The following GLIS3 variants were observed in gnomAD, a reference collection of about 807,000 sequenced individuals.
GLIS3 encodes the protein GLIS family zinc finger 3, also known as zinc finger protein GLIS3.
A neutral mutation model predicts 78.6 loss-of-function variants in GLIS3; 53 were observed. The observed-to-expected ratio is 0.67, with a 90% CI of 0.54 to 0.85. The LOEUF is 0.85. Among genes scored for constraint, GLIS3 ranks in the 40% least tolerant of loss-of-function variants. GLIS3 has a pLI of 0.00. For missense variants in GLIS3, 1,703 were observed against 1,231.1 expected, an observed-to-expected ratio of 1.38 and a Z score of -5.74; for synonymous variants, 684 against 509.9, an observed-to-expected ratio of 1.34 and a Z score of -4.60.
intron 2 of GLIS3, among the ~76,000 whole-genome samples, chr9:4,133,301 C>G (rs1833112363): frequency 6.6e-6 from 1 of 152,214 alleles, no homozygotes; most frequent in African/African-American, 2.4e-5. Flanking sequence ...GCCATCTACA[C>G]TCAAATGTAA....
intron 4 of GLIS3, among the ~76,000 whole-genome samples, chr9:4,087,923 C>T (rs894016528): frequency 6.6e-6 from 1 of 152,132 alleles, no homozygotes; most frequent in African/African-American, 2.4e-5. Context: ...TTGTCCATCT[C>T]GCATTATGGT....
intron 4 of GLIS3, among the ~76,000 whole-genome samples, chr9:3,964,198 C>A (rs1817763476): frequency 6.6e-6 from 1 of 152,148 alleles, no homozygotes; most frequent in African/African-American, 2.4e-5. Flanking sequence ...ATCATAAATG[C>A]TATGTATCTC....
intron 4 of GLIS3, among the ~76,000 whole-genome samples, chr9:4,017,936 CT>C (rs1822573267): frequency 1.3e-5 from 2 of 152,142 alleles, no homozygotes; most frequent in South Asian, 4.1e-4. Flanking sequence ...AAACTAATGT[CT>C]TTTTAATATG....
At chr9:4,430,017 C>T in the GLIS3 span, among the ~76,000 whole-genome samples, 2 of 145,762 alleles carry the variant, frequency 1.4e-5, no homozygotes, top group Non-Finnish European at 3.0e-5. Context: ...CGAAATCTGT[C>T]CTCTTTCTAT....
At chr9:4,141,307 G>C (rs535651829) in intron 2 of GLIS3, among the ~76,000 whole-genome samples, 3 of 152,146 alleles carry the variant, frequency 2.0e-5, no homozygotes, top group African/African-American at 7.2e-5. Context: ...GGAAGGCAGT[G>C]GGGGTAAAAG....
At chr9:4,314,234 G>C (rs1005732148) in intron 2 of GLIS3, among the ~76,000 whole-genome samples, 3 of 152,202 alleles carry the variant, frequency 2.0e-5, no homozygotes, top group Non-Finnish European at 2.9e-5. Context: ...ACTCAAATGT[G>C]AGCTGGTGTT....
intron 4 of GLIS3, among the ~76,000 whole-genome samples, chr9:4,115,890 G>A (rs1012613524): frequency 3.9e-5 from 6 of 152,140 alleles, no homozygotes; most frequent in Non-Finnish European, 7.3e-5. Flanking sequence ...TAGAAGTGGG[G>A]AGTGGGCAGA....
intron 4 of GLIS3, chr9:4,071,645 T>C (rs1827624302): frequency 6.6e-6 from 1 of 152,150 alleles, no homozygotes; most frequent in African/African-American, 2.4e-5. Flanking sequence ...GCTGCCAATA[T>C]TGGTACCCTT....
At chr9:4,322,478 C>G (rs1817547712) in intron 2 of GLIS3, among the ~76,000 whole-genome samples, 1 of 152,190 alleles carries the variant, frequency 6.6e-6, no homozygotes, top group South Asian at 2.1e-4. Context: ...AATCGCCACA[C>G]TGTCTTCCAC....
chr9:4,424,047 C>A, the GLIS3 span, among the ~76,000 whole-genome samples: 1 of 152,088 alleles, frequency 6.6e-6, no homozygotes, highest in African/African-American at 2.4e-5. Context: ...AGAAATATTC[C>A]CTAAAATCAA....
rs555699442 is a variant in GLIS3 at position 4,270,173 on chromosome 9, C to T, written c.388+15865G>A. Among the ~76,000 whole-genome samples the T allele has an allele frequency of 3.3e-5, 5 of 152,340 alleles. No homozygotes were observed. In the East Asian group the frequency reaches 5.8e-4, roughly 18 times the overall value. ...ACAGAGAAAATCTTGCAAACTGGCA[C>T]TGCTGACTCTTAGAGCCTATCACCA... On this transcript the variant is annotated intron_variant, in intron 2 of 10. Coordinates refer to ENST00000381971, the MANE Select transcript of GLIS3 (RefSeq NM_001042413.2).
chr9:4,332,930 A>G (rs1206150541), intron 2 of GLIS3, among the ~76,000 whole-genome samples: 1 of 152,244 alleles, frequency 6.6e-6, no homozygotes, highest in African/African-American at 2.4e-5. Context: ...TATTGTGACT[A>G]ACAGGACTGA....
At chr9:4,235,684 T>C (rs1021042845) in intron 2 of GLIS3, among the ~76,000 whole-genome samples, 2 of 151,974 alleles carry the variant, frequency 1.3e-5, no homozygotes, top group Non-Finnish European at 2.9e-5. Context: ...GTGTAAAAAC[T>C]CCATCGGGGC....
intron 4 of GLIS3, among the ~76,000 whole-genome samples, chr9:4,039,941 G>A (rs959037299): frequency 6.6e-6 from 1 of 152,206 alleles, no homozygotes; most frequent in Non-Finnish European, 1.5e-5. Flanking sequence ...CCCAAGGCCA[G>A]TGCATCACAA....
At chr9:4,162,427 G>A (rs1337403684) in intron 2 of GLIS3, among the ~76,000 whole-genome samples, 1 of 152,104 alleles carries the variant, frequency 6.6e-6, no homozygotes, top group East Asian at 1.9e-4. Context: ...TTGGTCCAAG[G>A]AATCTGAAGA....
At chr9:3,950,772 C>T (rs542736517) in intron 4 of GLIS3, among the ~76,000 whole-genome samples, 2 of 152,142 alleles carry the variant, frequency 1.3e-5, no homozygotes, top group African/African-American at 4.8e-5. Context: ...TAGTAAGCAC[C>T]CAATGCAGAT....
chr9:3,984,241 T>C (rs980271585), intron 4 of GLIS3, among the ~76,000 whole-genome samples: 12 of 152,230 alleles, frequency 7.9e-5, no homozygotes, highest in Admixed American at 6.5e-4. Flanking sequence ...GCTTGCACTT[T>C]GTACCTAGAA....
chr9:3,848,384 C>A (rs1819196727), intron 9 of GLIS3, among the ~76,000 whole-genome samples: 1 of 152,150 alleles, frequency 6.6e-6, no homozygotes, highest in African/African-American at 2.4e-5. Flanking sequence ...TGCCTGTAAT[C>A]CCAGCTACTC....
At chr9:4,350,309 A>G (rs571130661), upstream of GLIS3, among the ~76,000 whole-genome samples, 2 of 151,934 alleles carry the variant, frequency 1.3e-5, no homozygotes, top group Non-Finnish European at 3.0e-5. Context: ...CGTTTAAATC[A>G]AAAGACTGAA....
Sources: gnomAD v4.1 joint callset for allele counts (sites outside exome capture counted in the v4.1 genomes callset) on GRCh38, gnomAD v4.1.1 for gene constraint, MANE v1.5 for transcripts, NCBI Gene and HGNC (gene_info 2026-07-23, HGNC 2026-07-21) for gene names.